PPM1H: variants seen among roughly 807,000 people sequenced by gnomAD.
PPM1H encodes the protein protein phosphatase 1H.
In PPM1H, 27 loss-of-function variants were observed where a neutral mutation model predicts 54.9. The observed-to-expected ratio is 0.49, with a 90% confidence interval of 0.36 to 0.68. The LOEUF (loss-of-function observed/expected upper bound fraction) is 0.68. Ranked by LOEUF, PPM1H falls within the 30% of genes least tolerant of loss-of-function variation. The pLI, the probability that PPM1H is intolerant of heterozygous loss-of-function variation, is 0.00. For synonymous variants in PPM1H, 305 were observed against 270.8 expected (o/e 1.13, Z -1.24); for missense variants, 596 against 667.8 (o/e 0.89, Z 1.19).
At chr12:62,853,816 T>A (rs1422459469) in intron 1 of PPM1H, among the ~76,000 whole-genome samples, 1 of 152,182 alleles carries the variant, frequency 6.6e-6, no homozygotes, top group Admixed American at 6.5e-5. Context: ...CTATAGAAGA[T>A]AAGGAAGTTC....
chr12:62,796,141 A>C (rs756583785), intron 3 of PPM1H, among the ~76,000 whole-genome samples: 65 of 152,336 alleles, frequency 4.3e-4, no homozygotes, highest in Non-Finnish European at 6.0e-4. Flanking sequence ...AAAACAACAC[A>C]AACTGTTTTT....
At chr12:62,721,105 GAA>G (rs2120465787) in intron 5 of PPM1H, 2 of 152,464 alleles carry the variant, frequency 1.3e-5, no homozygotes, top group South Asian at 4.1e-4. Context: ...TTCTGGCAGG[GAA>G]AAGAGTGGGC....
chr12:62,803,435 A>G (rs1301287593), intron 2 of PPM1H, among the ~76,000 whole-genome samples: 1 of 152,218 alleles, frequency 6.6e-6, no homozygotes, highest in Non-Finnish European at 1.5e-5. Context: ...TACCAAGAAT[A>G]CACATTAGGG....
chr12:62,853,665 T>C (rs892060956), intron 1 of PPM1H, among the ~76,000 whole-genome samples: 3 of 152,136 alleles, frequency 2.0e-5, no homozygotes, highest in Admixed American at 1.3e-4. Context: ...GTAGGGAAAC[T>C]AGAGCTGGTT....
intron 1 of PPM1H, among the ~76,000 whole-genome samples, chr12:62,835,483 C>T (rs1314839396): frequency 6.6e-6 from 1 of 152,176 alleles, no homozygotes; most frequent in Non-Finnish European, 1.5e-5. Context: ...GAGGTCTGTC[C>T]TGCAATGACT....
At chr12:62,711,622 G>A (rs1006136653) in intron 6 of PPM1H, among the ~76,000 whole-genome samples, 1 of 152,268 alleles carries the variant, frequency 6.6e-6, no homozygotes, top group Non-Finnish European at 1.5e-5. Flanking sequence ...CAGGGGAAGC[G>A]CCGTGTGACT....
At chr12:62,855,358 C>G (rs560294353) in intron 1 of PPM1H, among the ~76,000 whole-genome samples, 1 of 152,046 alleles carries the variant, frequency 6.6e-6, no homozygotes, top group Non-Finnish European at 1.5e-5. Flanking sequence ...ACTACTAAGT[C>G]TAAAGTTGAG....
intron 6 of PPM1H, among the ~76,000 whole-genome samples, chr12:62,707,039 T>C (rs2076178952): frequency 1.3e-5 from 2 of 152,280 alleles, no homozygotes; most frequent in Middle Eastern, 3.4e-3. Flanking sequence ...CAAATTTTCA[T>C]ACCTAGGTGC....
rs1264357168 is a variant in PPM1H, at chr12:62,935,054, C to T, written c.-318G>A. 1 of 178,230 alleles carries T rather than the reference C, an allele frequency of 5.6e-6. No individual in the cohort carries two copies. Among genetic ancestry groups the T allele is most frequent in the Admixed American group, 6.2e-5 (1 of 16,020 alleles). The allele number at this position is 178,230 out of a possible 1,614,324, so 11.0% of individuals were successfully genotyped here. A position where few individuals can be genotyped will look rare whatever the true frequency, so the allele number is the denominator to read the frequency against. On this transcript the variant is annotated 5_prime_UTR_variant, in exon 1 of 10. Coordinates refer to ENST00000228705, the MANE Select transcript of PPM1H (RefSeq NM_020700.2). ...AGCTGCAGCAGGTCCCTTCCCCGCC[C>T]CCTGCGCTCGGCTCCGGCGTGCGCT... is the stretch of plus-strand genomic sequence containing the variant.
chr12:62,787,449 A>T (rs905147062), intron 4 of PPM1H, among the ~76,000 whole-genome samples: 1 of 152,224 alleles, frequency 6.6e-6, no homozygotes, highest in Admixed American at 6.5e-5. Context: ...AGTGTGTAAT[A>T]CATGTTAGAA....
chr12:62,773,558 AT>A (rs1233505966), intron 4 of PPM1H, among the ~76,000 whole-genome samples: 1 of 152,240 alleles, frequency 6.6e-6, no homozygotes, highest in African/African-American at 2.4e-5. Context: ...AGGATGTAAT[AT>A]CAAGGGAAAG....
At chr12:62,838,338 T>TGGGG (rs369140482) in intron 1 of PPM1H, among the ~76,000 whole-genome samples, 7 of 93,326 alleles carry the variant, frequency 7.5e-5, no homozygotes, top group East Asian at 6.3e-4. Flanking sequence ...TGTGTGTGTG[T>TGGGG]GGGGGGGGGG....
chr12:62,908,471 TA>T lies in PPM1H; in HGVS notation c.245+26020del, dbSNP rs554919511. Among the ~76,000 whole-genome samples, 271 of 152,220 alleles carry T rather than the reference TA, an allele frequency of 1.8e-3. 1 individual carries two copies. The highest frequency in any genetic ancestry group is 3.1e-3 in the Admixed American group (48 of 15,294). On this transcript the variant is annotated intron_variant, in intron 1 of 9. Transcript: ENST00000228705. ...GTTTTGCTCATTTTTATTTTATTTT[TA>T]AAATCCTACCCAAGGAAAGCATATT... is the stretch of plus-strand genomic sequence containing the variant.
chr12:62,832,363 C>A (rs1340766315), intron 1 of PPM1H, 84 bp from the exon 2 acceptor site: 3 of 1,335,820 alleles, frequency 2.2e-6, no homozygotes, highest in South Asian at 1.3e-5. Flanking sequence ...CCAAGACAGT[C>A]TCTACAACTG....
intron 4 of PPM1H, among the ~76,000 whole-genome samples, chr12:62,777,333 C>G (rs1212017061): frequency 1.3e-5 from 2 of 152,166 alleles, no homozygotes; most frequent in African/African-American, 4.8e-5. Context: ...AAATGGATGC[C>G]TGACTGCCTG....
chr12:62,883,902 A>G (rs1424157434), intron 1 of PPM1H, among the ~76,000 whole-genome samples: 3 of 143,584 alleles, frequency 2.1e-5, no homozygotes, highest in African/African-American at 8.8e-5. Flanking sequence ...GAAAAAAGAC[A>G]ACAGAGTCTG....
At chr12:62,830,052 A>G (rs1011877285) in intron 2 of PPM1H, among the ~76,000 whole-genome samples, 1 of 152,204 alleles carries the variant, frequency 6.6e-6, no homozygotes, top group African/African-American at 2.4e-5. Context: ...TCTAATTCAC[A>G]AGTGAAGAAA....
intron 4 of PPM1H, among the ~76,000 whole-genome samples, chr12:62,784,663 C>T (rs369372183): frequency 1.3e-5 from 2 of 152,182 alleles, no homozygotes; most frequent in Non-Finnish European, 2.9e-5. Flanking sequence ...CCTGACTGCT[C>T]GTCAATCAGT....
At chr12:62,803,800 G>T (rs2076787231) in intron 2 of PPM1H, among the ~76,000 whole-genome samples, 1 of 152,206 alleles carries the variant, frequency 6.6e-6, no homozygotes, top group Admixed American at 6.5e-5. Flanking sequence ...TGCAAAGCAT[G>T]TGTGTGATAA....
Sources: gnomAD v4.1 joint callset for allele counts (sites outside exome capture counted in the v4.1 genomes callset) on GRCh38, gnomAD v4.1.1 for gene constraint, MANE v1.5 for transcripts, NCBI Gene and HGNC (gene_info 2026-07-23, HGNC 2026-07-21) for gene names.